The following EPB41L4B variants were observed in gnomAD, a reference collection of about 807,000 sequenced individuals.
EPB41L4B encodes erythrocyte membrane protein band 4.1 like 4B.
Under a neutral mutation model 112.5 loss-of-function variants are expected in EPB41L4B, and 30 were observed. The observed-to-expected ratio is 0.27, with a 90% CI of 0.20 to 0.36. The LOEUF is 0.36. Ranked by LOEUF, EPB41L4B falls within the 10% of genes least tolerant of loss-of-function variation. The pLI is 1.00. For missense variants in EPB41L4B, 1,024 were observed against 1,133.3 expected (o/e 0.90, Z 1.38); for synonymous variants, 408 against 439.7 (o/e 0.93, Z 0.90).
At position 109,172,042 on chromosome 9, in the gene EPB41L4B, A is replaced by C. The variant is rs1376622031; in HGVS notation, c.*2512T>G. Reference sequence around the variant, plus strand: ...GCCAAAGGTACTGGGTTTCAAATACAGTAACAGCCAACTTGTTTGTGGTCA... The same window carrying C: ...GCCAAAGGTACTGGGTTTCAAATACCGTAACAGCCAACTTGTTTGTGGTCA... On this transcript the variant is annotated 3_prime_UTR_variant, in exon 26 of 26. Coordinates refer to ENST00000374566, the MANE Select transcript of EPB41L4B (RefSeq NM_019114.5). 1 of 152,196 alleles carries C rather than the reference A, an allele frequency of 6.6e-6. No homozygotes were observed. Among genetic ancestry groups the C allele is most frequent in the Non-Finnish European group, 1.5e-5 (1 of 68,040 alleles). 9.4% of individuals were successfully genotyped at this position (152,196 alleles called of 1,614,324 possible). A position where few individuals can be genotyped will look rare whatever the true frequency, so the allele number is the denominator to read the frequency against.
chr9:109,181,826 C>T (rs970939790), intron 24 of EPB41L4B, among the ~76,000 whole-genome samples: 7 of 152,116 alleles, frequency 4.6e-5, no homozygotes, highest in Admixed American at 3.3e-4. Flanking sequence ...TCACAATAGC[C>T]AAAAGGTGAA....
chr9:109,315,987 A>C (rs551548230), intron 1 of EPB41L4B, among the ~76,000 whole-genome samples: 1 of 152,022 alleles, frequency 6.6e-6, no homozygotes, highest in Non-Finnish European at 1.5e-5. Flanking sequence ...CAAAGTTCAA[A>C]GTAGAGGAAG....
Position 109,243,689 on chromosome 9 carries a change from A to G in EPB41L4B, c.1345-7T>C, listed in dbSNP as rs767563176. ...TATTAGGATGATATTGAGGCTAGAA[A>G]TAAAACACCAAACTTGATTATTTGA... On this transcript the variant is annotated splice_polypyrimidine_tract_variant and splice_region_variant and intron_variant, in intron 14 of 25. Coordinates refer to ENST00000374566, the MANE Select transcript of EPB41L4B (RefSeq NM_019114.5). 1.2e-6 allele frequency: 2 copies of G among 1,613,976 alleles called. No individual in the cohort carries two copies. The highest frequency in any genetic ancestry group is 1.1e-5 in the South Asian group (1 of 91,072).
At chr9:109,270,524 G>T (rs186184194) in intron 2 of EPB41L4B, among the ~76,000 whole-genome samples, 5 of 152,328 alleles carry the variant, frequency 3.3e-5, no homozygotes, top group Non-Finnish European at 7.4e-5. Flanking sequence ...TTGGCCCCTG[G>T]AGGGGGCTGA....
At chr9:109,211,970 T>C (rs1254664572) in intron 17 of EPB41L4B, among the ~76,000 whole-genome samples, 1 of 151,902 alleles carries the variant, frequency 6.6e-6, no homozygotes. Flanking sequence ...TCCACCCGCC[T>C]TAGCCTCCCA....
At chr9:109,193,166 C>T (rs181945355) in intron 21 of EPB41L4B, among the ~76,000 whole-genome samples, 32 of 152,312 alleles carry the variant, frequency 2.1e-4, no homozygotes, top group African/African-American at 7.2e-4. Context: ...CAGAGAACCT[C>T]GATCTTGGCC....
chr9:109,292,862 G>A (rs1836584649), intron 1 of EPB41L4B, among the ~76,000 whole-genome samples: 1 of 152,136 alleles, frequency 6.6e-6, no homozygotes. Context: ...GCTTGCTCTA[G>A]AAGAGCCAGC....
intron 1 of EPB41L4B, among the ~76,000 whole-genome samples, chr9:109,309,424 G>A (rs1006245586): frequency 6.6e-6 from 1 of 152,174 alleles, no homozygotes; most frequent in Non-Finnish European, 1.5e-5. Flanking sequence ...TCAACTTGGG[G>A]CTTACAGTGT....
chr9:109,258,299 T>C lies in EPB41L4B; in HGVS notation c.632-2A>G, dbSNP rs780148656. ...GAAGCTCGCACTCCCCAAGCTCCGC[T>C]GTAAGTTTCATAAAAGGGAGGAAAA... On this transcript the variant is annotated splice_acceptor_variant, in intron 6 of 25. Coordinates refer to ENST00000374566, the MANE Select transcript of EPB41L4B (RefSeq NM_019114.5). LOFTEE classifies it high-confidence loss of function. 1 of 1,610,620 alleles carries C rather than the reference T, an allele frequency of 6.2e-7. No individual in the cohort carries two copies. Among genetic ancestry groups the C allele is most frequent in the South Asian group, 1.1e-5 (1 of 90,546 alleles).
rs560712894 is a variant in EPB41L4B, at chr9:109,314,555, G to C, written c.306+5586C>G. On this transcript the variant is annotated intron_variant, in intron 1 of 25. Coordinates refer to ENST00000374566, the MANE Select transcript of EPB41L4B (RefSeq NM_019114.5). Reference sequence around the variant, plus strand: ...CCCCTTATTAACACTGACAAATCCAGCAAGTATAGAAGGGGAGTTAGTGCT... The same window carrying C: ...CCCCTTATTAACACTGACAAATCCACCAAGTATAGAAGGGGAGTTAGTGCT... 1.5e-3 allele frequency among the ~76,000 whole-genome samples: 220 copies of C among 151,564 alleles called. 1 individual carries two copies. The highest frequency in any genetic ancestry group is 5.0e-3 in the African/African-American group (208 of 41,200).
At chr9:109,253,130 G>A (rs1834855344) in intron 12 of EPB41L4B, among the ~76,000 whole-genome samples, 2 of 152,206 alleles carry the variant, frequency 1.3e-5, no homozygotes, top group South Asian at 4.1e-4. Flanking sequence ...AGGCAAGAAA[G>A]GTGTTTCCCT....
intron 24 of EPB41L4B, among the ~76,000 whole-genome samples, 183 bp from the exon 25 acceptor site, chr9:109,176,879 C>T (rs1831862699): frequency 6.6e-6 from 1 of 152,194 alleles, no homozygotes; most frequent in South Asian, 2.1e-4. Context: ...CACATATTAA[C>T]TCTTGACAAC....
chr9:109,240,582 T>C, intron 15 of EPB41L4B: 1 of 985,392 alleles, frequency 1.0e-6, no homozygotes, highest in Non-Finnish European at 1.2e-6. Flanking sequence ...GGGCTTGAAA[T>C]GGGGGAAATA....
At chr9:109,311,476 G>A (rs575304509) in intron 1 of EPB41L4B, among the ~76,000 whole-genome samples, 41 of 152,222 alleles carry the variant, frequency 2.7e-4, no homozygotes, top group African/African-American at 9.9e-4. Flanking sequence ...GACTGAGCTG[G>A]GTAACAAAGA....
At chr9:109,182,901 G>T (rs1588116863) in intron 23 of EPB41L4B, 104 bp from the exon 24 acceptor site, 608 of 777,176 alleles carry the variant, frequency 7.8e-4, no homozygotes, top group East Asian at 1.8e-3. Context: ...ATTCAGGGGT[G>T]CCCCCGCAGA....
rs1833037042 is a variant in EPB41L4B at position 109,207,871 on chromosome 9, C to A, written c.1878+53G>T. The A allele has an allele frequency of 1.9e-6, 3 of 1,608,474 alleles. No individual in the cohort carries two copies. In the South Asian group the frequency reaches 3.3e-5, roughly 18 times the overall value. On this transcript the variant is annotated intron_variant, in intron 18 of 25. Transcript: ENST00000374566. Reference sequence around the variant, plus strand: ...TACGGTGCCTCTTTCTTCTCTGTGGCATCGAGGAAATCCTATAACATGAAA... The same window carrying A: ...TACGGTGCCTCTTTCTTCTCTGTGGAATCGAGGAAATCCTATAACATGAAA...
chr9:109,314,641 C>CA (rs34796841), intron 1 of EPB41L4B, among the ~76,000 whole-genome samples: 4 of 151,654 alleles, frequency 2.6e-5, no homozygotes, highest in South Asian at 2.1e-4. Flanking sequence ...CTCACCCCCC[C>CA]CCACCTCAGC....
intron 1 of EPB41L4B, among the ~76,000 whole-genome samples, chr9:109,308,370 A>T (rs1837294692): frequency 2.0e-5 from 3 of 152,144 alleles, no homozygotes; most frequent in Admixed American, 2.0e-4. Flanking sequence ...GGGGTGACCA[A>T]TGTTGAGGAT....
chr9:109,223,621 G>A (rs2118869950), intron 15 of EPB41L4B, among the ~76,000 whole-genome samples: 1 of 152,216 alleles, frequency 6.6e-6, no homozygotes. Flanking sequence ...TTTCAGGGGA[G>A]CCCTGGGGAT....
Sources: allele counts gnomAD v4.1 joint callset (sites outside exome capture counted in the v4.1 genomes callset), GRCh38; gene constraint gnomAD v4.1.1; transcripts MANE v1.5; gene names NCBI Gene and HGNC (gene_info 2026-07-23, HGNC 2026-07-21).